The following EPGN variants were observed in gnomAD, a reference collection of about 807,000 sequenced individuals.
EPGN encodes the protein epithelial mitogen, also known as epigen.
In EPGN, 21 loss-of-function variants were observed where a neutral mutation model predicts 20.7. That is an observed-to-expected ratio of 1.01 (90% CI 0.72 to 1.46). EPGN has a LOEUF of 1.46. Ranked by LOEUF, EPGN falls within the 40% of genes most tolerant of loss-of-function variation. The pLI is 0.00. For missense variants in EPGN, 199 were observed against 180.7 expected (o/e 1.10, Z -0.58); for synonymous variants, 69 against 63.8 (o/e 1.08, Z -0.39).
intron 2 of EPGN, among the ~76,000 whole-genome samples, chr4:74,310,435 CG>C (rs1162288877): frequency 1.2e-5 from 1 of 85,800 alleles, no homozygotes; most frequent in Non-Finnish European, 2.3e-5. Context: ...GCACTCCAGC[CG>C]GGGTGACAGA....
chr4:74,314,528 G>A lies in EPGN; in HGVS notation c.408-52G>A, dbSNP rs115856283. The A allele has an allele frequency of 5.4e-5, 81 of 1,507,652 alleles. No individual in the cohort carries two copies. In the African/African-American group the frequency reaches 1.0e-3, roughly 19 times the overall value. The allele number at this position is 1,507,652 out of a possible 1,614,324, so 93.4% of individuals were successfully genotyped here. ...AGGGTGCATTTATGTAAGCTTCAAT[G>A]ACCTATATGAACCACAGTCAAATTC... On this transcript the variant is annotated intron_variant, in intron 4 of 4. Coordinates refer to ENST00000413830, the MANE Select transcript of EPGN (RefSeq NM_001270989.2).
intron 4 of EPGN, 59 bp from the exon 5 acceptor site, chr4:74,314,521 C>T (rs1294915320): frequency 4.7e-6 from 7 of 1,500,224 alleles, no homozygotes; most frequent in African/African-American, 1.4e-5. Flanking sequence ...TTTATGTAAG[C>T]TTCAATGACC....
intron 3 of EPGN, 127 bp from the exon 4 acceptor site, chr4:74,312,891 C>T (rs1039760640): frequency 1.0e-5 from 8 of 773,438 alleles, no homozygotes; most frequent in South Asian, 6.2e-5. Context: ...GATTGGCTTT[C>T]ATTTGGTATT....
intron 2 of EPGN, among the ~76,000 whole-genome samples, chr4:74,311,593 A>T (rs9685225): frequency 0.021 from 3,261 of 152,292 alleles, 93 homozygotes; most frequent in African/African-American, 0.071. Context: ...TTTGAGAAAC[A>T]TTTAAGAATC....
rs539372623 is a variant in EPGN, at chr4:74,313,083, C to G, written c.320C>G (p.Ser107Cys). 1 of 1,612,982 alleles carries G rather than the reference C, an allele frequency of 6.2e-7. No individual in the cohort carries two copies. Residue 107 changes from serine to cysteine, a missense_variant, in exon 4 of 5, where the codon TCT becomes TGT. Ser to Cys is a moderately radical substitution (Grantham distance 112, BLOSUM62 -1). Coordinates refer to ENST00000413830, the MANE Select transcript of EPGN (RefSeq NM_001270989.2). ...HLTLTSYAVD[S>C]YEKYIAIGIG... is the part of the protein sequence containing the mutation. ...ACTTTAACTTCATATGCTGTGGATT[C>G]TTATGAAAAATACATTGCAATTGGG...
At chr4:74,310,461 CAAAAAAAAA>C (rs10586282) in intron 2 of EPGN, among the ~76,000 whole-genome samples, 7 of 43,192 alleles carry the variant, frequency 1.6e-4, no homozygotes, top group African/African-American at 3.0e-4. Context: ...GAGTCCGTCT[CAAAAAAAAA>C]AAAAAAAAAA....
intron 4 of EPGN, chr4:74,314,062 G>A: frequency 2.2e-6 from 1 of 455,322 alleles, no homozygotes; most frequent in Non-Finnish European, 4.4e-6. Flanking sequence ...TTTCCTAGAA[G>A]CGGAGCCTTC....
intron 2 of EPGN, 84 bp downstream of exon 2, chr4:74,309,266 C>A: frequency 2.0e-6 from 2 of 984,050 alleles, no homozygotes; most frequent in Non-Finnish European, 1.5e-6. Context: ...GCAATATTGG[C>A]CATTTTTAAT....
chr4:74,313,010 T>C lies in EPGN; in HGVS notation c.255-8T>C. 1 of 1,580,264 alleles carries C rather than the reference T, an allele frequency of 6.3e-7. No individual in the cohort carries two copies. The highest frequency in any genetic ancestry group is 8.5e-7 in the Non-Finnish European group (1 of 1,171,792). On this transcript the variant is annotated splice_polypyrimidine_tract_variant and splice_region_variant and intron_variant, in intron 3 of 4. Coordinates refer to ENST00000413830, the MANE Select transcript of EPGN (RefSeq NM_001270989.2). ...TTTTAAAATTAAACTTTTTTTCTTTTTTTAAAGGTGTTTTACTGGTTATAC... is the reference window on the plus strand; with the variant it reads ...TTTTAAAATTAAACTTTTTTTCTTTCTTTAAAGGTGTTTTACTGGTTATAC...
intron 3 of EPGN, 79 bp downstream of exon 3, chr4:74,312,384 C>T (rs1234848517): frequency 9.5e-6 from 14 of 1,467,744 alleles, no homozygotes; most frequent in African/African-American, 1.4e-5. Flanking sequence ...TACATTTCCA[C>T]ACTTTTCTCT....
chr4:74,313,219 A>T, intron 4 of EPGN, 49 bp downstream of exon 4: 1 of 1,575,224 alleles, frequency 6.3e-7, no homozygotes, highest in Non-Finnish European at 8.6e-7. Context: ...ATCGTTTGAC[A>T]AATAGTTATT....
chr4:74,313,979 T>A, intron 4 of EPGN: 1 of 350,054 alleles, frequency 2.9e-6, no homozygotes, highest in Non-Finnish European at 5.6e-6. Context: ...AGACCAAAAA[T>A]ATAATAATAA....
In EPGN at chr4:74,313,123, A is replaced by T; in HGVS notation, c.360A>T (p.Leu120Phe). ...TTGCAATTGGGATTGGTGTTGGATT[A>T]CTATTAAGTGGTTTTCTTGTTATTT... ...KYIAIGIGVG[L>F]LLSGFLVIFY... The change falls in exon 4 of 5, where the codon TTA (leucine) becomes TTT (phenylalanine). Residue 120 changes from leucine to phenylalanine, a missense_variant. Coordinates refer to ENST00000413830, the MANE Select transcript of EPGN (RefSeq NM_001270989.2). 6.2e-7 allele frequency: 1 copy of T among 1,612,548 alleles called. No homozygotes were observed. The highest frequency in any genetic ancestry group is 8.5e-7 in the Non-Finnish European group (1 of 1,179,434).
intron 2 of EPGN, among the ~76,000 whole-genome samples, chr4:74,310,484 A>C (rs1750861404): frequency 6.7e-6 from 1 of 149,518 alleles, no homozygotes; most frequent in African/African-American, 2.5e-5. Flanking sequence ...AAAAAAAAAA[A>C]AGAAGATAAT....
chr4:74,316,326 CTT>C lies in EPGN; in HGVS notation c.*1697_*1698del, dbSNP rs376630803. Among the ~76,000 whole-genome samples the C allele has an allele frequency of 1.3e-5, 2 of 151,248 alleles. No individual in the cohort carries two copies. Among genetic ancestry groups the C allele is most frequent in the South Asian group, 4.2e-4 (2 of 4,766 alleles). On this transcript the variant is annotated 3_prime_UTR_variant, in exon 5 of 5. Coordinates refer to ENST00000413830, the MANE Select transcript of EPGN (RefSeq NM_001270989.2). ...AAGATTCAATCTAAAACAATGGACT[CTT>C]TTTTTTTCCATTTGTGATGTAGATA...
intron 4 of EPGN, chr4:74,314,250 C>A: frequency 2.0e-6 from 1 of 494,620 alleles, no homozygotes; most frequent in Non-Finnish European, 3.9e-6. Flanking sequence ...ATGTGAATAG[C>A]AGTGTAGACC....
At chr4:74,310,461 C>CGAAA (rs779331977) in intron 2 of EPGN, among the ~76,000 whole-genome samples, 1 of 43,190 alleles carries the variant, frequency 2.3e-5, no homozygotes, top group African/African-American at 6.0e-5. Flanking sequence ...GAGTCCGTCT[C>CGAAA]AAAAAAAAAA....
At chr4:74,309,639 T>C (rs1750768436) in intron 2 of EPGN, among the ~76,000 whole-genome samples, 2 of 152,072 alleles carry the variant, frequency 1.3e-5, no homozygotes, top group African/African-American at 4.8e-5. Flanking sequence ...TGCTTTGGAG[T>C]TTTTGTTGTT....
intron 4 of EPGN, 45 bp from the exon 5 acceptor site, chr4:74,314,535 A>G (rs1332875949): frequency 2.0e-6 from 3 of 1,527,464 alleles, no homozygotes; most frequent in Non-Finnish European, 1.8e-6. Flanking sequence ...AATGACCTAT[A>G]TGAACCACAG....
Sources: allele counts gnomAD v4.1 joint callset (sites outside exome capture counted in the v4.1 genomes callset), GRCh38; gene constraint gnomAD v4.1.1; transcripts MANE v1.5; gene names NCBI Gene and HGNC (gene_info 2026-07-23, HGNC 2026-07-21).